MIOS: variants seen among roughly 807,000 people sequenced by gnomAD.
MIOS encodes the protein GATOR2 complex protein MIOS.
In MIOS, 52 loss-of-function variants were observed where a neutral mutation model predicts 96.9. That is an observed-to-expected ratio of 0.54 (90% CI 0.43 to 0.68). The LOEUF is 0.68. MIOS is among the 30% of genes least tolerant of loss of function. The probability of loss-of-function intolerance (pLI) is 0.00; values close to 1 mark genes in which losing one functional copy is unlikely to be tolerated. For synonymous variants in MIOS, 397 were observed against 359.5 expected, an observed-to-expected ratio of 1.10 and a Z score of -1.18; for missense variants, 1,005 against 1,052.8, an observed-to-expected ratio of 0.95 and a Z score of 0.63.
chr7:7,583,436 TAAAG>T, intron 6 of MIOS, 64 bp downstream of exon 6: 5 of 1,437,546 alleles, frequency 3.5e-6, no homozygotes, highest in Non-Finnish European at 2.8e-6. Flanking sequence ...TGGAATCTTT[TAAAG>T]AAAAGAGGCT....
chr7:7,572,690 A>G lies in MIOS; in HGVS notation c.215A>G (p.Tyr72Cys), dbSNP rs1325125645. ...YMKCVAWYLN[Y>C]DPECLLAVGQ... The stretch of plus-strand genomic sequence containing the variant: ...AAATGTGTTGCCTGGTATCTTAATT[A>G]TGATCCTGAATGTCTGCTGGCAGTT... Residue 72 changes from tyrosine (Y) to cysteine (C), a missense_variant, in exon 4 of 13, where the codon TAT becomes TGT. Coordinates refer to ENST00000340080, the MANE Select transcript of MIOS (RefSeq NM_019005.4). The surrounding 1 kb of genome is among the most constrained non-coding windows in gnomAD (Gnocchi z 4.8). The G allele has an allele frequency of 2.7e-5, 44 of 1,614,208 alleles. No individual in the cohort carries two copies. Among genetic ancestry groups the G allele is most frequent in the Non-Finnish European group, 3.7e-5 (44 of 1,180,016 alleles).
rs941872727 is a variant in MIOS, at chr7:7,607,178, C to G, written c.*86C>G. On this transcript the variant is annotated 3_prime_UTR_variant, in exon 13 of 13. Transcript: ENST00000340080. ...GCTCAGAAACATACCTCAGAACAAG[C>G]CATTCATGACTTACCTGTAATGGGA... The G allele has an allele frequency of 1.1e-6, 1 of 927,584 alleles. No individual in the cohort carries two copies. The highest frequency in any genetic ancestry group is 1.5e-5 in the South Asian group (1 of 65,054). 57.5% of individuals were successfully genotyped at this position (927,584 alleles called of 1,614,324 possible). A position where few individuals can be genotyped will look rare whatever the true frequency, so the allele number is the denominator to read the frequency against.
intron 3 of MIOS, among the ~76,000 whole-genome samples, chr7:7,571,660 A>T (rs1563011906): frequency 6.6e-6 from 1 of 152,230 alleles, no homozygotes; most frequent in South Asian, 2.1e-4. Context: ...CAGCTCCTAC[A>T]TTGTGTAGAT....
At chr7:7,579,251 TAATC>T (rs568442542) in intron 5 of MIOS, among the ~76,000 whole-genome samples, 2 of 152,176 alleles carry the variant, frequency 1.3e-5, no homozygotes, top group Non-Finnish European at 2.9e-5. Context: ...ATAATTCTGA[TAATC>T]AACTGTAGCA....
intron 3 of MIOS, among the ~76,000 whole-genome samples, chr7:7,570,707 T>C (rs972332346): frequency 1.3e-5 from 2 of 152,104 alleles, no homozygotes; most frequent in African/African-American, 4.8e-5. Context: ...TAGATCCCTC[T>C]CTTGCACAGT....
intron 5 of MIOS, among the ~76,000 whole-genome samples, chr7:7,579,350 C>T (rs1388948930): frequency 6.6e-6 from 1 of 152,120 alleles, no homozygotes; most frequent in East Asian, 1.9e-4. Context: ...ATTAATATTT[C>T]TACCTCCTAG....
rs977301374 is a variant in MIOS at position 7,607,402 on chromosome 7, C to G, written c.*310C>G. ...CTAGAAGCAGAATTTCTGGAAGAGC[C>G]AAGAACAGACTTTGAGCCTATATCT... On this transcript the variant is annotated 3_prime_UTR_variant, in exon 13 of 13. Coordinates refer to ENST00000340080, the MANE Select transcript of MIOS (RefSeq NM_019005.4). The G allele has an allele frequency of 1.6e-5, 3 of 184,894 alleles. No homozygotes were observed. The highest frequency in any genetic ancestry group is 7.1e-5 in the African/African-American group (3 of 42,436). The allele number at this position is 184,894 out of a possible 1,614,324, so 11.5% of individuals were successfully genotyped here. A position where few individuals can be genotyped will look rare whatever the true frequency, so the allele number is the denominator to read the frequency against.
intron 11 of MIOS, chr7:7,605,727 A>T (rs1228001003): frequency 1.4e-5 from 6 of 435,840 alleles, no homozygotes; most frequent in Non-Finnish European, 2.4e-5. Context: ...GTGGGTTTGG[A>T]TTTTTTTTTC....
rs150505078 is a variant in MIOS, at chr7:7,568,312, T to C, written c.-41+189T>C. Among the ~76,000 whole-genome samples the C allele has an allele frequency of 9.8e-4, 149 of 152,324 alleles. 2 individuals are homozygous for C. The highest frequency in any genetic ancestry group is 3.3e-3 in the African/African-American group (136 of 41,572). On this transcript the variant is annotated intron_variant, in intron 3 of 12. Transcript: ENST00000340080. The stretch of plus-strand genomic sequence containing the variant: ...TTGTCACAGCTTTGTGAGATGGAAA[T>C]GGGATAGATTTTATCTCGGTTTTAT...
At chr7:7,604,022 C>G (rs936789765) in intron 11 of MIOS, among the ~76,000 whole-genome samples, 11 of 143,702 alleles carry the variant, frequency 7.7e-5, no homozygotes, top group African/African-American at 2.4e-4. Flanking sequence ...TTTGAGAACA[C>G]ATGGACACAG....
downstream of MIOS, chr7:7,609,042 A>C (rs1784598877): frequency 6.6e-6 from 1 of 152,104 alleles, no homozygotes; most frequent in Non-Finnish European, 1.5e-5. Context: ...TATAAACTCA[A>C]CAAGATACTT....
At position 7,595,531 on chromosome 7, in the gene MIOS, A is replaced by AT. The variant is rs546278519; in HGVS notation, c.2196+408dup. Among the ~76,000 whole-genome samples the AT allele has an allele frequency of 6.2e-4, 94 of 151,712 alleles. 1 individual carries two copies. In the South Asian group the frequency reaches 0.019, roughly 30 times the overall value. On this transcript the variant is annotated intron_variant, in intron 10 of 12. Transcript: ENST00000340080. Reference sequence around the variant, plus strand: ...TCTATATGTTTAATTACACATGGAAATTTTTTTTTAGCATTAGTTTAAAAA... The same window carrying AT: ...TCTATATGTTTAATTACACATGGAAATTTTTTTTTTAGCATTAGTTTAAAAA...
chr7:7,567,560 TG>T (rs1258602443), intron 1 of MIOS, 46 bp from the exon 2 acceptor site: 1 of 152,254 alleles, frequency 6.6e-6, no homozygotes, highest in African/African-American at 2.4e-5. Context: ...TTGTGGACTT[TG>T]CTGAATAGGT....
At chr7:7,581,369 T>G (rs999752477) in intron 5 of MIOS, among the ~76,000 whole-genome samples, 1 of 152,220 alleles carries the variant, frequency 6.6e-6, no homozygotes, top group African/African-American at 2.4e-5. Flanking sequence ...TAATATTTTC[T>G]TATTTTTGCT....
intron 3 of MIOS, among the ~76,000 whole-genome samples, chr7:7,570,206 C>A (rs1244777417): frequency 6.6e-6 from 1 of 152,128 alleles, no homozygotes; most frequent in Non-Finnish European, 1.5e-5. Flanking sequence ...TTGAGACTAT[C>A]CTCTGTGTGG....
chr7:7,583,262 A>G lies in MIOS; in HGVS notation c.1538A>G (p.Asn513Ser), dbSNP rs759916180. Residue 513 changes from asparagine to serine, a missense_variant, in exon 6 of 13, where the codon AAC becomes AGC. This residue lies in a region of MIOS where 865 missense variants were observed against 887.9 expected (regional missense o/e 0.97). Coordinates refer to ENST00000340080, the MANE Select transcript of MIOS (RefSeq NM_019005.4). ...GATGTAGACGTGGGGCCATTTTTGA[A>G]CTCCCTTGTACAAGAAGGGGAATGG... ...GTDVDVGPFL[N>S]SLVQEGEWER... 6.2e-7 allele frequency: 1 copy of G among 1,613,928 alleles called. No homozygotes were observed. Among genetic ancestry groups the G allele is most frequent in the Non-Finnish European group, 8.5e-7 (1 of 1,179,978 alleles).
Position 7,577,245 on chromosome 7 carries a change from C to T in MIOS, c.1393+3049C>T, listed in dbSNP as rs141514378. 6.2e-3 allele frequency among the ~76,000 whole-genome samples: 939 copies of T among 152,182 alleles called. 3 individuals are homozygous for T. The highest frequency in any genetic ancestry group is 8.1e-3 in the Non-Finnish European group (548 of 67,992). On this transcript the variant is annotated intron_variant, in intron 5 of 12. Transcript: ENST00000340080. ...GTATACATTCATGTGGAAGAGAGGT[C>T]AGTTGTCCGGTGCTCCATGCTTCAG...
chr7:7,582,083 A>G (rs1298980926), intron 5 of MIOS, among the ~76,000 whole-genome samples: 1 of 152,198 alleles, frequency 6.6e-6, no homozygotes, highest in Non-Finnish European at 1.5e-5. Flanking sequence ...AACAGGTTGA[A>G]TGAGGAATTC....
chr7:7,608,134 C>G lies in MIOS; in HGVS notation c.*1042C>G, dbSNP rs1784579409. On this transcript the variant is annotated 3_prime_UTR_variant, in exon 13 of 13. Transcript: ENST00000340080. ...TGTAAGTTTTTAAATGTAAGTGTTACTGGGGCTAAGTCAGGTACTTTATTT... is the reference window on the plus strand; with the variant it reads ...TGTAAGTTTTTAAATGTAAGTGTTAGTGGGGCTAAGTCAGGTACTTTATTT... 6.9e-6 allele frequency: 1 copy of G among 145,568 alleles called. No individual in the cohort carries two copies. The allele number at this position is 145,568 out of a possible 1,614,324, so 9.0% of individuals were successfully genotyped here. A position where few individuals can be genotyped will look rare whatever the true frequency, so the allele number is the denominator to read the frequency against.
Sources: allele counts gnomAD v4.1 joint callset (sites outside exome capture counted in the v4.1 genomes callset), GRCh38; gene constraint gnomAD v4.1.1; regional missense constraint gnomAD v4.1.1; non-coding constraint Gnocchi (gnomAD v3.1); transcripts MANE v1.5; gene names NCBI Gene and HGNC (gene_info 2026-07-23, HGNC 2026-07-21).